SHC3: variants seen among roughly 807,000 people sequenced by gnomAD.
The protein encoded by SHC3 is SHC-transforming protein 3.
A neutral mutation model predicts 60.4 loss-of-function variants in SHC3; 15 were observed. That is an observed-to-expected ratio of 0.25 (90% CI 0.17 to 0.38). SHC3 has a LOEUF of 0.38. Ranked by LOEUF, SHC3 falls within the 10% of genes least tolerant of loss-of-function variation. The pLI is 1.00. For missense variants in SHC3, 677 were observed against 786.1 expected (o/e 0.86, Z 1.66); for synonymous variants, 294 against 325.9 (o/e 0.90, Z 1.05).
intron 11 of SHC3, among the ~76,000 whole-genome samples, chr9:89,026,817 C>G (rs962747462): frequency 6.6e-6 from 1 of 152,222 alleles, no homozygotes; most frequent in Non-Finnish European, 1.5e-5. Flanking sequence ...CCCTGCACAC[C>G]TGGGCCCTTG....
chr9:89,178,663 C>A lies in SHC3; in HGVS notation c.-203G>T. Reference sequence around the variant, plus strand: ...GCCAGCACAGCGGCGGCCGCGCAGCCCCGGCCCGGGAGACCGCTGCTTGGG... The same window carrying A: ...GCCAGCACAGCGGCGGCCGCGCAGCACCGGCCCGGGAGACCGCTGCTTGGG... On this transcript the variant is annotated 5_prime_UTR_variant, in exon 1 of 12. Coordinates refer to ENST00000375835, the MANE Select transcript of SHC3 (RefSeq NM_016848.6). The surrounding 1 kb of genome is among the most constrained non-coding windows in gnomAD (Gnocchi z 6.9). The A allele has an allele frequency of 2.2e-6, 1 of 448,154 alleles. No individual in the cohort carries two copies. The highest frequency in any genetic ancestry group is 3.8e-6 in the Non-Finnish European group (1 of 260,650). The allele number at this position is 448,154 out of a possible 1,614,324, so 27.8% of individuals were successfully genotyped here.
chr9:89,114,005 T>C (rs1825987215), intron 1 of SHC3, among the ~76,000 whole-genome samples: 1 of 152,056 alleles, frequency 6.6e-6, no homozygotes, highest in Non-Finnish European at 1.5e-5. Context: ...GCCACAGAAT[T>C]ATCCAAACAC....
At chr9:89,081,794 C>A (rs780736931) in intron 2 of SHC3, among the ~76,000 whole-genome samples, 2 of 152,108 alleles carry the variant, frequency 1.3e-5, no homozygotes, top group Non-Finnish European at 2.9e-5. Flanking sequence ...CAGTAAAAAC[C>A]CTGACCTTCA....
intron 1 of SHC3, among the ~76,000 whole-genome samples, chr9:89,115,503 C>A (rs1826007380): frequency 6.6e-6 from 1 of 152,084 alleles, no homozygotes; most frequent in African/African-American, 2.4e-5. Context: ...ATGTGAATAC[C>A]ACTGCCACCA....
chr9:89,109,962 T>C (rs892928846), intron 2 of SHC3: 1 of 985,446 alleles, frequency 1.0e-6, no homozygotes, highest in Non-Finnish European at 1.2e-6. Flanking sequence ...TTTATACCTA[T>C]GCCTCATTGT....
intron 1 of SHC3, among the ~76,000 whole-genome samples, chr9:89,167,951 A>G (rs1464918581): frequency 3.9e-5 from 6 of 152,200 alleles, no homozygotes; most frequent in Non-Finnish European, 7.3e-5. Flanking sequence ...TCGAGGGACC[A>G]TATCAGGTGT....
intron 11 of SHC3, among the ~76,000 whole-genome samples, chr9:89,019,726 C>A (rs903104817): frequency 6.6e-6 from 1 of 151,852 alleles, no homozygotes; most frequent in African/African-American, 2.4e-5. Context: ...AGGAAAACTA[C>A]AAAAGTCCAA....
At position 89,008,506 on chromosome 9, in the gene SHC3, C is replaced by T. The variant is rs2118620767; in HGVS notation, c.*4941G>A. On this transcript the variant is annotated 3_prime_UTR_variant, in exon 12 of 12. Coordinates refer to ENST00000375835, the MANE Select transcript of SHC3 (RefSeq NM_016848.6). ...CACTCCAGACCTAGGGAGTCAGGAA[C>T]TTGGCGGGGCCAGGGGGGTGGAAGG... 1 of 152,268 alleles carries T rather than the reference C, an allele frequency of 6.6e-6. No individual in the cohort carries two copies. Among genetic ancestry groups the T allele is most frequent in the East Asian group, 1.9e-4 (1 of 5,170 alleles). The allele number at this position is 152,268 out of a possible 1,614,324, so 9.4% of individuals were successfully genotyped here. A position where few individuals can be genotyped will look rare whatever the true frequency, so the allele number is the denominator to read the frequency against.
chr9:89,093,289 T>G (rs137967913), intron 2 of SHC3, among the ~76,000 whole-genome samples: 1 of 152,302 alleles, frequency 6.6e-6, no homozygotes, highest in South Asian at 2.1e-4. Context: ...ATAGAATGGT[T>G]CCATTTACAG....
intron 6 of SHC3, among the ~76,000 whole-genome samples, chr9:89,053,135 A>G (rs1398058531): frequency 6.6e-6 from 1 of 152,208 alleles, no homozygotes; most frequent in Non-Finnish European, 1.5e-5. Context: ...TGTCGCCATG[A>G]GGAGCCTAGC....
At chr9:89,103,312 T>G (rs1400186824) in intron 2 of SHC3, among the ~76,000 whole-genome samples, 1 of 152,078 alleles carries the variant, frequency 6.6e-6, no homozygotes, top group Non-Finnish European at 1.5e-5. Context: ...GGGAGAAAGA[T>G]GAGATGAAAC....
chr9:89,160,461 G>C (rs1319665739), intron 1 of SHC3, among the ~76,000 whole-genome samples: 1 of 152,068 alleles, frequency 6.6e-6, no homozygotes, highest in Non-Finnish European at 1.5e-5. Flanking sequence ...GTTCCTTTTA[G>C]GCAATCACCC....
chr9:89,176,704 C>A (rs1185072903), intron 1 of SHC3, among the ~76,000 whole-genome samples: 4 of 152,134 alleles, frequency 2.6e-5, no homozygotes, highest in East Asian at 3.8e-4. Flanking sequence ...CTCATCTATA[C>A]CCCTTTGGTA....
chr9:89,058,976 A>G (rs1407034259), intron 6 of SHC3, among the ~76,000 whole-genome samples: 38 of 128,810 alleles, frequency 3.0e-4, no homozygotes, highest in Non-Finnish European at 4.4e-4. Flanking sequence ...GACAGTAGTG[A>G]AGGACATGGT....
intron 1 of SHC3, among the ~76,000 whole-genome samples, chr9:89,162,716 T>C (rs536822689): frequency 0.011 from 1,610 of 150,016 alleles, 14 homozygotes; most frequent in South Asian, 0.03. Flanking sequence ...CCAAAAGCAA[T>C]GGCAACAGAA....
chr9:89,013,984 ATG>A (rs1826052998), intron 11 of SHC3, among the ~76,000 whole-genome samples: 1 of 152,086 alleles, frequency 6.6e-6, no homozygotes, highest in Non-Finnish European at 1.5e-5. Context: ...AGGCCTTTGC[ATG>A]GACATCTCCC....
intron 1 of SHC3, among the ~76,000 whole-genome samples, chr9:89,118,935 C>A (rs1449305366): frequency 6.6e-6 from 1 of 152,066 alleles, no homozygotes; most frequent in African/African-American, 2.4e-5. Context: ...TGCAGATACA[C>A]CTTATGCCTT....
In SHC3 at chr9:89,009,505, T is replaced by A. The variant is rs1052252662; in HGVS notation, c.*3942A>T. On this transcript the variant is annotated 3_prime_UTR_variant, in exon 12 of 12. Transcript: ENST00000375835. ...CAATGGGCACGCTGGGAATGCACAA[T>A]TTTAGAAAATCATTGCGCTTATATG... 6.6e-5 allele frequency: 10 copies of A among 152,208 alleles called. No homozygotes were observed. Among genetic ancestry groups the A allele is most frequent in the African/African-American group, 2.4e-4 (10 of 41,446 alleles). 9.4% of individuals were successfully genotyped at this position (152,208 alleles called of 1,614,324 possible).
chr9:89,142,845 C>A (rs1382339964), intron 1 of SHC3, among the ~76,000 whole-genome samples: 2 of 151,988 alleles, frequency 1.3e-5, no homozygotes, highest in African/African-American at 4.8e-5. Flanking sequence ...TCCTTCGGGT[C>A]GAGGGTCTCC....
Sources: allele counts gnomAD v4.1 joint callset (sites outside exome capture counted in the v4.1 genomes callset), GRCh38; gene constraint gnomAD v4.1.1; non-coding constraint Gnocchi (gnomAD v3.1); transcripts MANE v1.5; gene names NCBI Gene and HGNC (gene_info 2026-07-23, HGNC 2026-07-21).